The following TFDP2 variants were observed in gnomAD, a reference collection of about 807,000 sequenced individuals.
The protein encoded by TFDP2 is transcription factor Dp-2.
TFDP2 carries 17 observed loss-of-function variants against 59.3 expected under a neutral mutation model. The ratio of observed to expected loss-of-function variants is 0.29; its 90% CI spans 0.20 to 0.43. The LOEUF is 0.43. Among genes scored for constraint, TFDP2 ranks in the 20% least tolerant of loss-of-function variants. TFDP2 has a pLI of 1.00. For missense variants in TFDP2, 391 were observed against 528.8 expected, an observed-to-expected ratio of 0.74 and a Z score of 2.56; for synonymous variants, 180 against 194.7, an observed-to-expected ratio of 0.92 and a Z score of 0.63.
intron 9 of TFDP2, among the ~76,000 whole-genome samples, chr3:141,966,916 T>G (rs1238618810): frequency 8.3e-6 from 1 of 120,746 alleles, no homozygotes; most frequent in African/African-American, 3.2e-5. Context: ...GATTACTTAT[T>G]AAAAAAAAAA....
intron 3 of TFDP2, among the ~76,000 whole-genome samples, chr3:142,072,944 A>G (rs1228835904): frequency 6.6e-6 from 1 of 152,216 alleles, no homozygotes; most frequent in African/African-American, 2.4e-5. Context: ...AATCCACACA[A>G]TGACTTCCTT....
chr3:142,033,817 C>CA (rs1438326009), intron 3 of TFDP2, among the ~76,000 whole-genome samples: 1 of 152,166 alleles, frequency 6.6e-6, no homozygotes, highest in Non-Finnish European at 1.5e-5. Flanking sequence ...AGCTGGCACA[C>CA]AGAATCCCAA....
chr3:142,042,630 C>CTTTTTTTT (rs66981475), intron 3 of TFDP2, among the ~76,000 whole-genome samples: 21 of 108,172 alleles, frequency 1.9e-4, no homozygotes, highest in African/African-American at 4.7e-4. Context: ...CTTTTCTTTT[C>CTTTTTTTT]TTTTTTTTTT....
chr3:142,119,333 A>T (rs2061956568), intron 1 of TFDP2, among the ~76,000 whole-genome samples: 1 of 152,216 alleles, frequency 6.6e-6, no homozygotes, highest in Non-Finnish European at 1.5e-5. Context: ...GCAAAAAGAT[A>T]AATTATTTAC....
intron 3 of TFDP2, among the ~76,000 whole-genome samples, chr3:142,046,591 T>C (rs80302532): frequency 2.5e-4 from 1 of 4,058 alleles, no homozygotes; most frequent in Non-Finnish European, 3.9e-4. Context: ...ACGGCGTTGG[T>C]GTTGGTGGGA....
In TFDP2 at chr3:142,009,020, C is replaced by T. The variant is rs1944436289; in HGVS notation, c.83-3476G>A. Among the ~76,000 whole-genome samples the T allele has an allele frequency of 2.0e-5, 3 of 152,156 alleles. No homozygotes were observed. The South Asian group carries it at 6.2e-4, about 32-fold the overall frequency. Reference sequence around the variant, plus strand: ...CTATGCATCTCCTTCTTGTTAAAAGCTGTCCCATCCCCTGTGGTCTAAATT... The same window carrying T: ...CTATGCATCTCCTTCTTGTTAAAAGTTGTCCCATCCCCTGTGGTCTAAATT... On this transcript the variant is annotated intron_variant, in intron 3 of 12. Transcript: ENST00000489671.
chr3:142,014,480 A>G (rs1477031919), intron 3 of TFDP2, among the ~76,000 whole-genome samples: 1 of 152,088 alleles, frequency 6.6e-6, no homozygotes, highest in South Asian at 2.1e-4. Context: ...GTGGTGGTGT[A>G]TGTGTTTGCT....
chr3:142,116,863 T>C (rs1035583426), intron 1 of TFDP2, among the ~76,000 whole-genome samples: 3 of 152,216 alleles, frequency 2.0e-5, no homozygotes, highest in Non-Finnish European at 2.9e-5. Context: ...CTGCTTAAAG[T>C]AATTTTACTG....
intron 3 of TFDP2, chr3:142,044,073 C>T (rs115756402): frequency 0.012 from 7,822 of 653,534 alleles, 59 homozygotes; most frequent in Non-Finnish European, 0.017. Context: ...TGATCAGCTT[C>T]CGCATCTGCT....
intron 3 of TFDP2, among the ~76,000 whole-genome samples, chr3:142,070,727 T>C (rs1047261243): frequency 2.6e-5 from 4 of 152,262 alleles, no homozygotes; most frequent in African/African-American, 7.2e-5. Context: ...GTTTTGATTA[T>C]TTATCATTAT....
At position 142,130,491 on chromosome 3, in the gene TFDP2, C is replaced by CT. The variant is rs879723016; in HGVS notation, c.-93+18691dup. 1.9e-3 allele frequency among the ~76,000 whole-genome samples: 273 copies of CT among 142,834 alleles called. 1 individual carries two copies. The highest frequency in any genetic ancestry group is 5.0e-3 in the African/African-American group (196 of 39,422). 93.7% of individuals were successfully genotyped at this position (142,834 alleles called of 152,430 possible). A position where few individuals can be genotyped will look rare whatever the true frequency, so the allele number is the denominator to read the frequency against. On this transcript the variant is annotated intron_variant, in intron 1 of 12. Coordinates refer to ENST00000489671, the MANE Select transcript of TFDP2 (RefSeq NM_001178139.2). ...TGTTTTTTTACCGTATTTACTATTT[C>CT]TTTTTTTTTTTTTATACTTTTAAGT...
chr3:142,046,048 A>G (rs1947334219), intron 3 of TFDP2, among the ~76,000 whole-genome samples: 1 of 152,178 alleles, frequency 6.6e-6, no homozygotes, highest in Non-Finnish European at 1.5e-5. Context: ...TACTATCTAG[A>G]GCACACAATT....
intron 2 of TFDP2, among the ~76,000 whole-genome samples, chr3:142,094,349 G>A (rs550172965): frequency 2.0e-5 from 3 of 148,630 alleles, no homozygotes; most frequent in African/African-American, 7.4e-5. Context: ...TTGTGGCCCA[G>A]GCTGGAGTGC....
intron 11 of TFDP2, among the ~76,000 whole-genome samples, chr3:141,957,903 A>T (rs1936896162): frequency 6.6e-6 from 1 of 152,228 alleles, no homozygotes; most frequent in African/African-American, 2.4e-5. Flanking sequence ...AGTGGTGATG[A>T]TTAGCAACCT....
At chr3:142,034,103 T>G (rs1407341527) in intron 3 of TFDP2, among the ~76,000 whole-genome samples, 12 of 149,816 alleles carry the variant, frequency 8.0e-5, no homozygotes, top group African/African-American at 2.9e-4. Flanking sequence ...TTTTTTTTTT[T>G]TTTTTTTTTG....
intron 3 of TFDP2, among the ~76,000 whole-genome samples, chr3:142,065,585 C>T (rs1458571106): frequency 6.6e-6 from 1 of 151,950 alleles, no homozygotes; most frequent in Non-Finnish European, 1.5e-5. Flanking sequence ...AATCTCGGCT[C>T]ACTGCAACCT....
intron 1 of TFDP2, among the ~76,000 whole-genome samples, chr3:142,116,221 A>C (rs1041155259): frequency 2.0e-5 from 3 of 152,028 alleles, no homozygotes; most frequent in Admixed American, 6.6e-5. Context: ...ATACCCTAAC[A>C]CTGGGCTAAT....
chr3:141,964,681 A>T (rs973413068), intron 9 of TFDP2, among the ~76,000 whole-genome samples: 5 of 152,006 alleles, frequency 3.3e-5, no homozygotes, highest in Admixed American at 6.6e-5. Flanking sequence ...CTCATGTAAA[A>T]CAGATGGAAG....
chr3:142,045,635 C>G (rs1429130988), intron 3 of TFDP2, among the ~76,000 whole-genome samples: 1 of 133,078 alleles, frequency 7.5e-6, no homozygotes, highest in African/African-American at 2.9e-5. Flanking sequence ...TTTTTTTAGA[C>G]CAAGTCTCGC....
Sources: allele counts gnomAD v4.1 joint callset (sites outside exome capture counted in the v4.1 genomes callset), GRCh38; gene constraint gnomAD v4.1.1; transcripts MANE v1.5; gene names NCBI Gene and HGNC (gene_info 2026-07-23, HGNC 2026-07-21).